The following MYOF variants were observed in gnomAD, a reference collection of about 807,000 sequenced individuals.
The protein encoded by MYOF is fer-1-like 3, myoferlin.
A neutral mutation model predicts 284.2 loss-of-function variants in MYOF; 244 were observed. The observed-to-expected ratio is 0.86, with a 90% CI of 0.77 to 0.95. The LOEUF is 0.95. MYOF is among the 40% of genes least tolerant of loss of function. MYOF has a pLI of 0.00. For synonymous variants in MYOF, 904 were observed against 919.7 expected (o/e 0.98, Z 0.31); for missense variants, 2,496 against 2,560.6 (o/e 0.97, Z 0.54).
At position 93,482,325 on chromosome 10, in the gene MYOF, G is replaced by A; in HGVS notation, c.-131C>T. ...GAGGATTTCTCCCAGGGCAAGGAAG[G>A]GGAAAAGGCAAAATGGGTGGACCTC... On this transcript the variant is annotated 5_prime_UTR_variant, in exon 1 of 54. Coordinates refer to ENST00000359263, the MANE Select transcript of MYOF (RefSeq NM_013451.4). 1.2e-6 allele frequency: 1 copy of A among 808,094 alleles called. No individual in the cohort carries two copies. Among genetic ancestry groups the A allele is most frequent in the Non-Finnish European group, 2.0e-6 (1 of 501,346 alleles). 50.1% of individuals were successfully genotyped at this position (808,094 alleles called of 1,614,324 possible). A position where few individuals can be genotyped will look rare whatever the true frequency, so the allele number is the denominator to read the frequency against.
intron 1 of MYOF, among the ~76,000 whole-genome samples, chr10:93,477,038 A>G (rs2057278515): frequency 6.6e-6 from 1 of 152,228 alleles, no homozygotes. Context: ...TGGATGTTTT[A>G]TGTGAATGTA....
chr10:93,327,215 G>A (rs1234674663), intron 45 of MYOF, among the ~76,000 whole-genome samples: 1 of 151,956 alleles, frequency 6.6e-6, no homozygotes, highest in Non-Finnish European at 1.5e-5. Context: ...AGCCCCAGCC[G>A]AGAGCCAACA....
intron 32 of MYOF, among the ~76,000 whole-genome samples, chr10:93,353,188 G>A (rs541323717): frequency 6.6e-6 from 1 of 152,210 alleles, no homozygotes; most frequent in African/African-American, 2.4e-5. Flanking sequence ...ATGGTTCAGC[G>A]GCAAGGACTC....
chr10:93,435,311 C>T (rs890590796), intron 3 of MYOF, among the ~76,000 whole-genome samples: 7 of 152,172 alleles, frequency 4.6e-5, no homozygotes, highest in Admixed American at 3.3e-4. Flanking sequence ...TGGGGTTGGA[C>T]CAGCGTGTCT....
rs1485752428 is a variant in MYOF, at chr10:93,369,722, T to C, written c.2512A>G (p.Ile838Val). Reference protein sequence around the residue: ...PKVPVELRVNIWLGLSAVEKK... With the variant: ...PKVPVELRVNVWLGLSAVEKK... The stretch of plus-strand genomic sequence containing the variant: ...TCCACAGCACTTAAGCCTAGCCAGA[T>C]GTTCACTCGCAACTCCACAGGCACC... Residue 838 changes from isoleucine to valine, a missense_variant, in exon 25 of 54, where the codon ATC becomes GTC. Physicochemically the swap from Ile to Val is conservative, Grantham distance 29. Coordinates refer to ENST00000359263, the MANE Select transcript of MYOF (RefSeq NM_013451.4). 1.2e-6 allele frequency: 2 copies of C among 1,614,128 alleles called. No individual in the cohort carries two copies. The highest frequency in any genetic ancestry group is 1.3e-5 in the African/African-American group (1 of 74,948).
Position 93,366,445 on chromosome 10 carries a change from C to G in MYOF, c.2700G>C (p.Leu900=). 1 of 1,613,940 alleles carries G rather than the reference C, an allele frequency of 6.2e-7. No individual in the cohort carries two copies. The highest frequency in any genetic ancestry group is 8.5e-7 in the Non-Finnish European group (1 of 1,179,972). Residue 900 remains leucine, a synonymous_variant, in exon 26 of 54, where the codon CTG becomes CTC. Transcript: ENST00000359263. ...GKIKLKREFF[L]PPKGWEWEGE... is the part of the protein sequence containing the mutation. ...CTTCCCATTCCCAGCCTTTTGGAGG[C>G]AGAAAAAATTCCCTCTTGAGTTTTA...
intron 1 of MYOF, among the ~76,000 whole-genome samples, chr10:93,462,589 A>G (rs1450146964): frequency 6.6e-6 from 1 of 152,108 alleles, no homozygotes; most frequent in Non-Finnish European, 1.5e-5. Context: ...TCCCTAGCTA[A>G]TAAGGAAAAA....
chr10:93,379,550 T>A (rs1322117535), intron 21 of MYOF, among the ~76,000 whole-genome samples: 2 of 152,106 alleles, frequency 1.3e-5, no homozygotes, highest in African/African-American at 4.8e-5. Context: ...GCCTATGTCA[T>A]CTTCTCCCCA....
At chr10:93,332,149 T>G (rs1843335577) in intron 43 of MYOF, among the ~76,000 whole-genome samples, 1 of 152,038 alleles carries the variant, frequency 6.6e-6, no homozygotes, top group Non-Finnish European at 1.5e-5. Flanking sequence ...AAGTTTGACA[T>G]GGAGATGGAA....
At chr10:93,359,733 G>T in intron 29 of MYOF, 100 bp downstream of exon 29, 1 of 1,507,350 alleles carries the variant, frequency 6.6e-7, no homozygotes, top group Non-Finnish European at 9.1e-7. Flanking sequence ...TTAGGCTCTG[G>T]ATTTGCAAAT....
At chr10:93,337,216 A>C (rs1336880972) in intron 40 of MYOF, among the ~76,000 whole-genome samples, 2 of 150,154 alleles carry the variant, frequency 1.3e-5, no homozygotes, top group Non-Finnish European at 3.0e-5. Flanking sequence ...TCTCATATAC[A>C]CTGTTCTGAA....
At chr10:93,373,468 T>C (rs1270460551) in intron 23 of MYOF, among the ~76,000 whole-genome samples, 1 of 152,226 alleles carries the variant, frequency 6.6e-6, no homozygotes, top group Non-Finnish European at 1.5e-5. Context: ...AGTCTCTGGC[T>C]CACCATCCAA....
chr10:93,393,977 C>T (rs528301808), intron 16 of MYOF, among the ~76,000 whole-genome samples: 1 of 152,332 alleles, frequency 6.6e-6, no homozygotes, highest in South Asian at 2.1e-4. Context: ...GATTACATTT[C>T]CTTCCTTGCA....
chr10:93,379,697 C>T (rs1024221013), intron 21 of MYOF, among the ~76,000 whole-genome samples, 166 bp downstream of exon 21: 1 of 152,158 alleles, frequency 6.6e-6, no homozygotes, highest in African/African-American at 2.4e-5. Context: ...CACTGAACCT[C>T]CATACTAACT....
At chr10:93,415,962 C>G (rs1197564487) in intron 5 of MYOF, among the ~76,000 whole-genome samples, 1 of 152,208 alleles carries the variant, frequency 6.6e-6, no homozygotes, top group African/African-American at 2.4e-5. Context: ...TTTTTACTCA[C>G]ATTCTTCACT....
rs1842918412 is a variant in MYOF, at chr10:93,323,374, A to G, written c.5272-16T>C. ...GAAGTTTTCCCTAAACCATTTGAAAATGAAAAGAGGACTGAAGTTATATGA... is the reference window on the plus strand; with the variant it reads ...GAAGTTTTCCCTAAACCATTTGAAAGTGAAAAGAGGACTGAAGTTATATGA... On this transcript the variant is annotated splice_polypyrimidine_tract_variant and intron_variant, in intron 46 of 53. Transcript: ENST00000359263. 4 of 1,593,892 alleles carry G rather than the reference A, an allele frequency of 2.5e-6. No individual in the cohort carries two copies. The highest frequency in any genetic ancestry group is 2.6e-6 in the Non-Finnish European group (3 of 1,165,724).
At chr10:93,471,914 G>A (rs186565902) in intron 1 of MYOF, among the ~76,000 whole-genome samples, 36 of 151,180 alleles carry the variant, frequency 2.4e-4, no homozygotes, top group South Asian at 8.4e-4. Flanking sequence ...GGCTCGGCAC[G>A]GTGGCCAACT....
At chr10:93,404,896 G>T (rs1227068848) in intron 7 of MYOF, among the ~76,000 whole-genome samples, 1 of 152,134 alleles carries the variant, frequency 6.6e-6, no homozygotes, top group Non-Finnish European at 1.5e-5. Flanking sequence ...TTTTAAGAAG[G>T]TTGATTCTTG....
At chr10:93,413,152 C>T (rs1463096931) in intron 5 of MYOF, among the ~76,000 whole-genome samples, 4 of 152,122 alleles carry the variant, frequency 2.6e-5, no homozygotes, top group Non-Finnish European at 5.9e-5. Context: ...TACCCCTTTG[C>T]AATGCTGGAC....
Sources: gnomAD v4.1 joint callset for allele counts (sites outside exome capture counted in the v4.1 genomes callset) on GRCh38, gnomAD v4.1.1 for gene constraint, MANE v1.5 for transcripts, NCBI Gene and HGNC (gene_info 2026-07-23, HGNC 2026-07-21) for gene names.